BAIAP2: variants seen among roughly 807,000 people sequenced by gnomAD.
BAIAP2 encodes BAR/IMD domain-containing adapter protein 2.
A neutral mutation model predicts 63.0 loss-of-function variants in BAIAP2; 18 were observed. The ratio of observed to expected loss-of-function variants is 0.29; its 90% CI spans 0.20 to 0.42. The LOEUF (loss-of-function observed/expected upper bound fraction) is 0.42. Ranked by LOEUF, BAIAP2 falls within the 10% of genes least tolerant of loss-of-function variation. The pLI is 1.00. For missense variants in BAIAP2, 610 were observed against 734.3 expected, an observed-to-expected ratio of 0.83 and a Z score of 1.96; for synonymous variants, 386 against 307.6, an observed-to-expected ratio of 1.25 and a Z score of -2.67.
intron 11 of BAIAP2, 90 bp from the exon 12 acceptor site, chr17:81,106,655 G>A: frequency 2.7e-6 from 4 of 1,506,550 alleles, no homozygotes; most frequent in Non-Finnish European, 3.7e-6. Context: ...CGTGGGCTAG[G>A]TGAGGGCGGG....
At chr17:81,036,503 C>CT (rs1389661784) in intron 1 of BAIAP2, among the ~76,000 whole-genome samples, 1 of 152,244 alleles carries the variant, frequency 6.6e-6, no homozygotes, top group Admixed American at 6.5e-5. Context: ...CAGATGGAGG[C>CT]TTCAGGGGTG....
At chr17:81,098,074 AGGCCAGCTGGGGTCATGGAGG>A in intron 6 of BAIAP2, 1 of 1,297,510 alleles carries the variant, frequency 7.7e-7, no homozygotes, top group Non-Finnish European at 9.9e-7. Context: ...CATGATCCCC[AGGCCAGCTGGGGTCATGGAGG>A]GGCCAGCGGG....
Position 81,057,977 on chromosome 17 carries a change from C to CCA in BAIAP2, c.217+11_217+12insAC. The CCA allele has an allele frequency of 2.6e-6, 1 of 385,372 alleles. No individual in the cohort carries two copies. Among genetic ancestry groups the CCA allele is most frequent in the Non-Finnish European group, 3.6e-6 (1 of 279,438 alleles). 23.9% of individuals were successfully genotyped at this position (385,372 alleles called of 1,614,324 possible). On this transcript the variant is annotated intron_variant, in intron 3 of 13. Coordinates refer to ENST00000428708, the MANE Select transcript of BAIAP2 (RefSeq NM_001144888.2). The stretch of plus-strand genomic sequence containing the variant: ...GGCTCCAAAGAACTCGGTGAGACCC[C>CCA]CCCCCCCCCCCCGCCTGGTAGTCGC...
intron 13 of BAIAP2, chr17:81,110,538 G>T: frequency 8.9e-7 from 1 of 1,122,872 alleles, no homozygotes; most frequent in Non-Finnish European, 1.1e-6. Flanking sequence ...ACCTCCTTCC[G>T]GTTCCCGGCG....
intron 6 of BAIAP2, chr17:81,098,244 T>C (rs2145744499): frequency 7.9e-7 from 1 of 1,265,406 alleles, no homozygotes; most frequent in Non-Finnish European, 1.0e-6. Flanking sequence ...GGGAGGCGCC[T>C]CTGCCCAGGA....
At chr17:81,084,645 C>T (rs1219207315) in intron 3 of BAIAP2, among the ~76,000 whole-genome samples, 187 bp from the exon 4 acceptor site, 2 of 152,180 alleles carry the variant, frequency 1.3e-5, no homozygotes, top group African/African-American at 2.4e-5. Context: ...AGTCCCTTCT[C>T]ATTCTAGAAT....
intron 1 of BAIAP2, among the ~76,000 whole-genome samples, chr17:81,043,378 A>T (rs948661014): frequency 6.6e-6 from 1 of 152,042 alleles, no homozygotes; most frequent in Non-Finnish European, 1.5e-5. Context: ...ATCAGCCTCC[A>T]CCTGTCCTGC....
At chr17:81,106,015 G>A in intron 10 of BAIAP2, 63 bp from the exon 11 acceptor site, 4 of 1,433,690 alleles carry the variant, frequency 2.8e-6, no homozygotes, top group Non-Finnish European at 3.8e-6. Flanking sequence ...CATGGATGGT[G>A]GTCGGTGGGG....
intron 1 of BAIAP2, among the ~76,000 whole-genome samples, chr17:81,049,657 G>A (rs1281468192): frequency 6.6e-6 from 1 of 152,230 alleles, no homozygotes; most frequent in Non-Finnish European, 1.5e-5. Flanking sequence ...CCACGTCGGT[G>A]TGGCTGAGAA....
At position 81,082,298 on chromosome 17, in the gene BAIAP2, G is replaced by A. The variant is rs1052406023; in HGVS notation, c.218-2534G>A. ...CCCACTCACATAGGTAGACATGCAC[G>A]CACATATGTGCTCATGCCCGCACAC... On this transcript the variant is annotated intron_variant, in intron 3 of 13. Transcript: ENST00000428708. Among the ~76,000 whole-genome samples, 5 of 152,184 alleles carry A rather than the reference G, an allele frequency of 3.3e-5. No individual in the cohort carries two copies. In the South Asian group the frequency reaches 8.3e-4, roughly 25 times the overall value.
At chr17:81,071,672 C>T (rs980347432) in intron 3 of BAIAP2, among the ~76,000 whole-genome samples, 2 of 152,264 alleles carry the variant, frequency 1.3e-5, no homozygotes, top group Admixed American at 6.5e-5. Flanking sequence ...AGCGCCCGTC[C>T]GTCCCTGAGC....
At chr17:81,071,701 C>T (rs531505060) in intron 3 of BAIAP2, among the ~76,000 whole-genome samples, 3 of 152,264 alleles carry the variant, frequency 2.0e-5, no homozygotes, top group Non-Finnish European at 4.4e-5. Flanking sequence ...GAGGGACTCA[C>T]GTCCAGCTCC....
At chr17:81,086,930 G>A in intron 6 of BAIAP2, 1 of 204,128 alleles carries the variant, frequency 4.9e-6, no homozygotes, top group South Asian at 1.0e-4. Flanking sequence ...GCCTCCGCCT[G>A]CAGGGCTGGC....
Position 81,085,742 on chromosome 17 carries a change from C to G in BAIAP2, c.351+17C>G, listed in dbSNP as rs376508801. The G allele has an allele frequency of 2.5e-6, 4 of 1,608,274 alleles. No homozygotes were observed. The highest frequency in any genetic ancestry group is 3.4e-6 in the Non-Finnish European group (4 of 1,176,138). ...TATCTGAGTGTAAGTGCACCCTGGC[C>G]GTGCCTGCTGGGCCCTGTGCCTGGG... On this transcript the variant is annotated intron_variant, in intron 5 of 13. Coordinates refer to ENST00000428708, the MANE Select transcript of BAIAP2 (RefSeq NM_001144888.2).
In BAIAP2 at chr17:81,068,682, C is replaced by T. The variant is rs1223263572; in HGVS notation, c.217+10715C>T. On this transcript the variant is annotated intron_variant, in intron 3 of 13. Coordinates refer to ENST00000428708, the MANE Select transcript of BAIAP2 (RefSeq NM_001144888.2). Reference sequence around the variant, plus strand: ...TTCCCTGCCCTGGGGAGGGTGCCCCCAAGCCTGGTACTGCAGAGAAGGCCA... The same window carrying T: ...TTCCCTGCCCTGGGGAGGGTGCCCCTAAGCCTGGTACTGCAGAGAAGGCCA... 2.6e-5 allele frequency among the ~76,000 whole-genome samples: 4 copies of T among 152,198 alleles called. No homozygotes were observed. In the East Asian group the frequency reaches 7.7e-4, roughly 29 times the overall value.
chr17:81,109,735 T>G (rs987405492), intron 13 of BAIAP2: 1 of 985,410 alleles, frequency 1.0e-6, no homozygotes, highest in East Asian at 1.1e-4. Context: ...CGTCGGGCAC[T>G]GGCGGGAGCA....
intron 7 of BAIAP2, among the ~76,000 whole-genome samples, chr17:81,101,960 C>A (rs1010345562): frequency 3.3e-5 from 5 of 152,192 alleles, no homozygotes; most frequent in African/African-American, 4.8e-5. Context: ...GGCCCCATGA[C>A]GGGGCCAGGG....
At chr17:81,062,063 C>G (rs2050649790) in intron 3 of BAIAP2, among the ~76,000 whole-genome samples, 1 of 152,128 alleles carries the variant, frequency 6.6e-6, no homozygotes, top group Non-Finnish European at 1.5e-5. Context: ...CTGCCTCAGC[C>G]TCCCAAGTAG....
At chr17:81,038,916 C>G (rs2046689653) in intron 1 of BAIAP2, among the ~76,000 whole-genome samples, 1 of 152,160 alleles carries the variant, frequency 6.6e-6, no homozygotes, top group African/African-American at 2.4e-5. Context: ...GGGCAGCAGA[C>G]CCGGCACCTG....
Sources: gnomAD v4.1 joint callset for allele counts (sites outside exome capture counted in the v4.1 genomes callset) on GRCh38, gnomAD v4.1.1 for gene constraint, MANE v1.5 for transcripts, NCBI Gene and HGNC (gene_info 2026-07-23, HGNC 2026-07-21) for gene names.